The following WASF2 variants were observed in gnomAD, a reference collection of about 807,000 sequenced individuals.
WASF2 encodes the protein actin-binding protein WASF2.
WASF2 carries 14 observed loss-of-function variants against 45.0 expected under a neutral mutation model. The observed-to-expected ratio is 0.31, with a 90% CI of 0.21 to 0.49. The LOEUF (loss-of-function observed/expected upper bound fraction) is 0.49, where lower values mean the gene tolerates loss of function less well. Among genes scored for constraint, WASF2 ranks in the 20% least tolerant of loss-of-function variants. The probability of loss-of-function intolerance (pLI) is 0.99; values close to 1 mark genes in which losing one functional copy is unlikely to be tolerated. For missense variants in WASF2, 439 were observed against 636.1 expected (o/e 0.69, Z 3.33); for synonymous variants, 200 against 236.3 (o/e 0.85, Z 1.41).
At chr1:27,461,136 A>T (rs1289468566) in intron 1 of WASF2, among the ~76,000 whole-genome samples, 1 of 151,860 alleles carries the variant, frequency 6.6e-6, no homozygotes, top group Non-Finnish European at 1.5e-5. Flanking sequence ...ACAGAGCAAG[A>T]CTCCGTCTCA....
intron 1 of WASF2, among the ~76,000 whole-genome samples, chr1:27,480,543 A>T (rs1052198636): frequency 2.2e-4 from 33 of 151,800 alleles, no homozygotes; most frequent in Non-Finnish European, 4.4e-5. Flanking sequence ...AAATAAAATA[A>T]AATATAATAA....
chr1:27,434,776 A>G (rs2017109312), intron 1 of WASF2, among the ~76,000 whole-genome samples: 1 of 152,198 alleles, frequency 6.6e-6, no homozygotes, highest in South Asian at 2.1e-4. Context: ...CTTGAGAATG[A>G]GTCTGAAAAC....
chr1:27,446,575 G>A (rs2017312165), intron 1 of WASF2, among the ~76,000 whole-genome samples: 1 of 152,130 alleles, frequency 6.6e-6, no homozygotes, highest in African/African-American at 2.4e-5. Context: ...GAGCCCAGGA[G>A]TTGGAGGCCA....
chr1:27,414,696 A>T lies in WASF2; in HGVS notation c.668+137T>A. 1 of 1,154,828 alleles carries T rather than the reference A, an allele frequency of 8.7e-7. No individual in the cohort carries two copies. Among genetic ancestry groups the T allele is most frequent in the Non-Finnish European group, 1.2e-6 (1 of 823,702 alleles). 71.5% of individuals were successfully genotyped at this position (1,154,828 alleles called of 1,614,324 possible). ...TCACCAGATGGATGCACTTTAAAGTAGCTGATTAACAGTGGTATTGATCTA... is the reference window on the plus strand; with the variant it reads ...TCACCAGATGGATGCACTTTAAAGTTGCTGATTAACAGTGGTATTGATCTA... On this transcript the variant is annotated intron_variant, in intron 6 of 8. Transcript: ENST00000618852. This position sits in a 1 kb window ranked among gnomAD's most constrained non-coding sequence, Gnocchi z 4.1.
In WASF2 at chr1:27,408,121, T is replaced by G; in HGVS notation, c.*68A>C. 20 of 1,558,520 alleles carry G rather than the reference T, an allele frequency of 1.3e-5. No individual in the cohort carries two copies. The highest frequency in any genetic ancestry group is 2.4e-5 in the South Asian group (2 of 85,010). ...TCCCTTTTCTCCCCCTACGGGTCTG[T>G]TGGGGTTGGCATCAAAGAAGGCAGG... On this transcript the variant is annotated 3_prime_UTR_variant, in exon 9 of 9. Transcript: ENST00000618852.
intron 1 of WASF2, among the ~76,000 whole-genome samples, chr1:27,489,246 A>ACGCG (rs201235530): frequency 9.3e-6 from 1 of 107,808 alleles, no homozygotes; most frequent in African/African-American, 5.1e-5. Context: ...ACTATCCTGT[A>ACGCG]CGCGCGCACA....
chr1:27,423,009 C>T (rs1226671771), intron 2 of WASF2, among the ~76,000 whole-genome samples: 1 of 151,690 alleles, frequency 6.6e-6, no homozygotes, highest in Non-Finnish European at 1.5e-5. Context: ...CATGGTGGCA[C>T]ATCATCTTGT....
chr1:27,409,380 G>C (rs528892453), intron 8 of WASF2, among the ~76,000 whole-genome samples: 2 of 127,098 alleles, frequency 1.6e-5, no homozygotes, highest in Non-Finnish European at 3.1e-5. Context: ...AGCCGAGATC[G>C]AGCCACTGCA....
At chr1:27,470,951 A>T (rs1041633381) in intron 1 of WASF2, among the ~76,000 whole-genome samples, 1 of 152,174 alleles carries the variant, frequency 6.6e-6, no homozygotes, top group Non-Finnish European at 1.5e-5. Context: ...TGCAAGTAGG[A>T]TATCAGTGAA....
chr1:27,416,361 T>TG (rs2016825938), intron 4 of WASF2, among the ~76,000 whole-genome samples: 1 of 152,150 alleles, frequency 6.6e-6, no homozygotes, highest in African/African-American at 2.4e-5. Context: ...CAAGTACAGG[T>TG]GATAGCAGCA....
chr1:27,453,216 A>G (rs2017409576), intron 1 of WASF2, among the ~76,000 whole-genome samples: 1 of 152,138 alleles, frequency 6.6e-6, no homozygotes, highest in Admixed American at 6.5e-5. Context: ...AAAAATTAAA[A>G]TAAAAATTTT....
chr1:27,476,040 G>A (rs1004831696), intron 1 of WASF2, among the ~76,000 whole-genome samples: 7 of 152,144 alleles, frequency 4.6e-5, no homozygotes, highest in East Asian at 1.9e-4. Flanking sequence ...TTAGTAGTAC[G>A]TGACACACAG....
chr1:27,484,128 G>A (rs1557625113), intron 1 of WASF2, among the ~76,000 whole-genome samples: 2 of 152,112 alleles, frequency 1.3e-5, no homozygotes, highest in African/African-American at 4.8e-5. Flanking sequence ...CCTCAAACCA[G>A]GCAGCTACTT....
chr1:27,440,488 C>T (rs1029212923), intron 1 of WASF2, among the ~76,000 whole-genome samples: 8 of 151,490 alleles, frequency 5.3e-5, no homozygotes, highest in Non-Finnish European at 1.2e-4. Context: ...CACCACTGCA[C>T]TCCAGCCTGG....
intron 1 of WASF2, among the ~76,000 whole-genome samples, chr1:27,483,821 C>T (rs936154456): frequency 5.3e-5 from 8 of 151,570 alleles, no homozygotes; most frequent in African/African-American, 1.7e-4. Context: ...GGCATGGTAG[C>T]GCTCACATGT....
chr1:27,456,105 G>C (rs573603532), intron 1 of WASF2, among the ~76,000 whole-genome samples: 2 of 151,984 alleles, frequency 1.3e-5, no homozygotes, highest in African/African-American at 4.8e-5. Context: ...GGCGGATCAC[G>C]AGGTCAGAAG....
chr1:27,420,295 C>T (rs1282219413), intron 2 of WASF2, among the ~76,000 whole-genome samples: 1 of 152,102 alleles, frequency 6.6e-6, no homozygotes, highest in Non-Finnish European at 1.5e-5. Flanking sequence ...AACTTTCAAG[C>T]CCTCTCTGAA....
At chr1:27,477,898 C>CA (rs777021949) in intron 1 of WASF2, among the ~76,000 whole-genome samples, 1,803 of 49,778 alleles carry the variant, frequency 0.036, 102 homozygotes, top group African/African-American at 0.094. Context: ...GACTCCGTCT[C>CA]AAAAAAAAAA....
chr1:27,429,430 A>G (rs978584156), intron 1 of WASF2, among the ~76,000 whole-genome samples: 1 of 152,252 alleles, frequency 6.6e-6, no homozygotes, highest in African/African-American at 2.4e-5. Context: ...TGATTGATAT[A>G]CATCAGGATT....
Sources: allele counts gnomAD v4.1 joint callset (sites outside exome capture counted in the v4.1 genomes callset), GRCh38; gene constraint gnomAD v4.1.1; non-coding constraint Gnocchi (gnomAD v3.1); transcripts MANE v1.5; gene names NCBI Gene and HGNC (gene_info 2026-07-23, HGNC 2026-07-21).